The following TANGO6 variants were observed in gnomAD, a reference collection of about 807,000 sequenced individuals.
The protein encoded by TANGO6 is transport and golgi organization 6 homolog.
A neutral mutation model predicts 114.2 loss-of-function variants in TANGO6; 90 were observed. That is an observed-to-expected ratio of 0.79 (90% CI 0.66 to 0.94). The LOEUF is 0.94. Among genes scored for constraint, TANGO6 ranks in the 40% least tolerant of loss-of-function variants. The pLI is 0.00. For synonymous variants in TANGO6, 477 were observed against 509.8 expected (o/e 0.94, Z 0.87); for missense variants, 1,274 against 1,315.3 (o/e 0.97, Z 0.49).
intron 1 of TANGO6, among the ~76,000 whole-genome samples, chr16:68,845,691 T>A (rs904432012): frequency 6.6e-6 from 1 of 151,976 alleles, no homozygotes; most frequent in Non-Finnish European, 1.5e-5. Context: ...ACTAAAAAAT[T>A]GGCCAGGCAT....
rs138859741 is a variant in TANGO6 at position 69,014,692 on chromosome 16, C to T, written c.2843-8136C>T. 4.9e-3 allele frequency among the ~76,000 whole-genome samples: 742 copies of T among 151,454 alleles called. 8 individuals carry two copies. Among genetic ancestry groups the T allele is most frequent in the African/African-American group, 0.017 (697 of 41,294 alleles). Reference sequence around the variant, plus strand: ...GGAGGATCACTTGAGCCCAGGAGTTCGAGACCAGCCTGGGCAACATAGCAA... The same window carrying T: ...GGAGGATCACTTGAGCCCAGGAGTTTGAGACCAGCCTGGGCAACATAGCAA... On this transcript the variant is annotated intron_variant, in intron 15 of 17. Transcript: ENST00000261778.
At position 68,860,333 on chromosome 16, in the gene TANGO6, G is replaced by A. The variant is rs533808481; in HGVS notation, c.544G>A (p.Val182Met). 5.6e-6 allele frequency: 9 copies of A among 1,613,958 alleles called. No homozygotes were observed. Among genetic ancestry groups the A allele is most frequent in the African/African-American group, 4.0e-5 (3 of 75,026 alleles). Residue 182 changes from valine to methionine, a missense_variant, in exon 2 of 18, where the codon GTG becomes ATG. Physicochemically the swap from Val to Met is conservative, Grantham distance 21. This residue lies in a region of TANGO6 where 908 missense variants were observed against 910.2 expected (regional missense o/e 1.00). Transcript: ENST00000261778. ...TGAATTTGGTGCCGTCGTTCAAGAC[G>A]TGGTGTGTTTTGATGCTGCCCCCGA... ...RTEFGAVVQD[V>M]VCFDAAPDAT...
intron 17 of TANGO6, among the ~76,000 whole-genome samples, chr16:69,069,470 T>C (rs558575662): frequency 5.3e-5 from 8 of 152,208 alleles, no homozygotes; most frequent in Non-Finnish European, 1.0e-4. Context: ...CTAATGCTTA[T>C]TCCAACATGT....
intron 7 of TANGO6, among the ~76,000 whole-genome samples, chr16:68,888,125 C>T (rs1402283097): frequency 6.6e-6 from 1 of 152,144 alleles, no homozygotes; most frequent in Admixed American, 6.5e-5. Flanking sequence ...ACTTCATCTG[C>T]ATAAATGATT....
rs1962061346 is a variant in TANGO6 at position 68,859,867 on chromosome 16, T to C, written c.95-17T>C. 1.3e-6 allele frequency: 2 copies of C among 1,537,454 alleles called. No individual in the cohort carries two copies. The highest frequency in any genetic ancestry group is 1.7e-6 in the Non-Finnish European group (2 of 1,147,000). On this transcript the variant is annotated splice_polypyrimidine_tract_variant and intron_variant, in intron 1 of 17. Transcript: ENST00000261778. ...TTTTCTATGTGTATAAACTCTCCTTTTTTTCTTCTTCAAAAGGCTCGGGCT... is the reference window on the plus strand; with the variant it reads ...TTTTCTATGTGTATAAACTCTCCTTCTTTTCTTCTTCAAAAGGCTCGGGCT...
intron 14 of TANGO6, among the ~76,000 whole-genome samples, chr16:68,968,698 T>C (rs920852253): frequency 6.4e-5 from 7 of 108,950 alleles, no homozygotes; most frequent in African/African-American, 2.3e-4. Context: ...TGAGACGGAG[T>C]CTTGCTCTGT....
intron 17 of TANGO6, among the ~76,000 whole-genome samples, chr16:69,063,504 G>T (rs1029947713): frequency 4.0e-5 from 6 of 150,696 alleles, no homozygotes; most frequent in Admixed American, 3.3e-4. Context: ...CAGCCTGGGC[G>T]ACAAAGCGAG....
At chr16:68,998,438 AGTT>A (rs1231718007) in intron 15 of TANGO6, among the ~76,000 whole-genome samples, 1 of 152,220 alleles carries the variant, frequency 6.6e-6, no homozygotes, top group Admixed American at 6.5e-5. Flanking sequence ...TGGTAGAACC[AGTT>A]TGTTTGCAGG....
chr16:68,949,182 G>A lies in TANGO6; in HGVS notation c.2701+18887G>A, dbSNP rs180920040. On this transcript the variant is annotated intron_variant, in intron 14 of 17. Transcript: ENST00000261778. ...GCCTGGGCAACAATAGTGAAACTCC[G>A]TCTCAAAAAGAAAGAAAGAAAGAAA... Among the ~76,000 whole-genome samples the A allele has an allele frequency of 1.3e-3, 199 of 152,124 alleles. 1 individual carries two copies. The highest frequency in any genetic ancestry group is 4.4e-3 in the African/African-American group (184 of 41,490).
chr16:68,854,305 G>T (rs994282370), intron 1 of TANGO6, among the ~76,000 whole-genome samples: 3 of 152,014 alleles, frequency 2.0e-5, no homozygotes, highest in African/African-American at 4.8e-5. Context: ...AATTAGTCAA[G>T]CATGGTGGCA....
At chr16:68,863,612 A>G (rs1191630960) in intron 3 of TANGO6, among the ~76,000 whole-genome samples, 2 of 152,084 alleles carry the variant, frequency 1.3e-5, no homozygotes, top group African/African-American at 2.4e-5. Flanking sequence ...CTCAGTCTCA[A>G]AAAAAAGACT....
intron 3 of TANGO6, among the ~76,000 whole-genome samples, chr16:68,866,246 T>A (rs959082505): frequency 1.3e-5 from 2 of 149,678 alleles, no homozygotes; most frequent in Non-Finnish European, 3.0e-5. Flanking sequence ...TTTGTAAAGT[T>A]TTTTTTTTTT....
At chr16:68,926,418 C>T (rs1024478961) in intron 12 of TANGO6, among the ~76,000 whole-genome samples, 15 of 151,342 alleles carry the variant, frequency 9.9e-5, no homozygotes, top group African/African-American at 2.9e-4. Flanking sequence ...GGCGTGAACC[C>T]GGGAGGTGGA....
intron 7 of TANGO6, among the ~76,000 whole-genome samples, chr16:68,882,443 G>T (rs1367957307): frequency 6.6e-6 from 1 of 151,930 alleles, no homozygotes; most frequent in Non-Finnish European, 1.5e-5. Context: ...CTTGCAGTGA[G>T]CCGAGATCGC....
At chr16:68,864,379 A>G (rs1596993828) in intron 3 of TANGO6, among the ~76,000 whole-genome samples, 1 of 151,944 alleles carries the variant, frequency 6.6e-6, no homozygotes, top group East Asian at 1.9e-4. Context: ...TTTGAGGCCA[A>G]CGTGGGCAAC....
At chr16:69,066,989 C>T (rs1960222082) in intron 17 of TANGO6, among the ~76,000 whole-genome samples, 1 of 152,168 alleles carries the variant, frequency 6.6e-6, no homozygotes, top group Non-Finnish European at 1.5e-5. Context: ...CTCAACCACC[C>T]AGGCTCAAGT....
chr16:68,881,332 G>T (rs1962459136), intron 7 of TANGO6, among the ~76,000 whole-genome samples: 2 of 151,728 alleles, frequency 1.3e-5, no homozygotes, highest in African/African-American at 4.8e-5. Context: ...TGGCCAATAT[G>T]GCGAAACCCT....
chr16:69,063,635 T>C (rs1183831577), intron 17 of TANGO6, among the ~76,000 whole-genome samples: 1 of 89,468 alleles, frequency 1.1e-5, no homozygotes, highest in Non-Finnish European at 2.0e-5. Flanking sequence ...GCGGTGAGAC[T>C]CCATCTCCAA....
At chr16:68,942,902 ATTTT>A (rs527605851) in intron 14 of TANGO6, among the ~76,000 whole-genome samples, 1,963 of 143,200 alleles carry the variant, frequency 0.014, 53 homozygotes, top group African/African-American at 0.047. Context: ...TTAATTTTTA[ATTTT>A]TTTTTTTTTT....
Sources: allele counts gnomAD v4.1 joint callset (sites outside exome capture counted in the v4.1 genomes callset), GRCh38; gene constraint gnomAD v4.1.1; regional missense constraint gnomAD v4.1.1; transcripts MANE v1.5; gene names NCBI Gene and HGNC (gene_info 2026-07-23, HGNC 2026-07-21).